RAD9A: variants seen among roughly 807,000 people sequenced by gnomAD.
The protein encoded by RAD9A is cell cycle checkpoint control protein RAD9A.
Under a neutral mutation model 41.2 loss-of-function variants are expected in RAD9A, and 25 were observed. That is an observed-to-expected ratio of 0.61 (90% CI 0.44 to 0.85). The LOEUF (loss-of-function observed/expected upper bound fraction) is 0.85. Among genes scored for constraint, RAD9A ranks in the 40% least tolerant of loss-of-function variants. The pLI, the probability that RAD9A is intolerant of heterozygous loss-of-function variation, is 0.00. For missense variants in RAD9A, 514 were observed against 518.3 expected (o/e 0.99, Z 0.08); for synonymous variants, 252 against 210.6 (o/e 1.20, Z -1.70).
intron 6 of RAD9A, 33 bp from the exon 7 acceptor site, chr11:67,395,879 G>T: frequency 6.2e-7 from 1 of 1,612,762 alleles, no homozygotes; most frequent in Non-Finnish European, 8.5e-7. Context: ...GGAGAGGGGC[G>T]GGGCCCAGGT....
Position 67,393,506 on chromosome 11 carries a change from C to A in RAD9A, c.245C>A (p.Ser82Tyr). The change falls in exon 4 of 11, where the codon TCT (serine) becomes TAT (tyrosine). Residue 82 changes from serine to tyrosine, a missense_variant. Coordinates refer to ENST00000307980, the MANE Select transcript of RAD9A (RefSeq NM_004584.3). ...RCKILMKSFL[S>Y]VFRSLAMLEK... ...TCTTATCCCATGCAGTCTTTCCTGT[C>A]TGTCTTCCGCTCACTGGCGATGCTG... The A allele has an allele frequency of 6.2e-7, 1 of 1,614,182 alleles. No individual in the cohort carries two copies. Among genetic ancestry groups the A allele is most frequent in the East Asian group, 2.2e-5 (1 of 44,876 alleles).
At position 67,397,751 on chromosome 11, in the gene RAD9A, T is replaced by C; in HGVS notation, c.*192T>C. On this transcript the variant is annotated 3_prime_UTR_variant, in exon 11 of 11. Coordinates refer to ENST00000307980, the MANE Select transcript of RAD9A (RefSeq NM_004584.3). The stretch of plus-strand genomic sequence containing the variant: ...CACAGCGGTCGGGCCTGGGCCGTTA[T>C]CTCCCCACAACCCCCAGCCAATCAG... 2 of 590,218 alleles carry C rather than the reference T, an allele frequency of 3.4e-6. No individual in the cohort carries two copies. The highest frequency in any genetic ancestry group is 2.1e-5 in the South Asian group (1 of 47,856). 36.6% of individuals were successfully genotyped at this position (590,218 alleles called of 1,614,324 possible). A position where few individuals can be genotyped will look rare whatever the true frequency, so the allele number is the denominator to read the frequency against.
At chr11:67,392,126 G>A in intron 1 of RAD9A, 35 bp from the exon 2 acceptor site, 2 of 1,609,104 alleles carry the variant, frequency 1.2e-6, no homozygotes, top group Non-Finnish European at 1.7e-6. Context: ...CCGCGGAGCC[G>A]CCAGCCTAAC....
Position 67,392,246 on chromosome 11 carries a change from T to TGGGGG in RAD9A, c.105+16_105+17insGGGGG. ...TGGAGGACGGGGTGAGGGGCTAGGG[T>TGGGGG]GTGGGGGGCGGGTGGGACTCCAGCC... On this transcript the variant is annotated intron_variant, in intron 2 of 10. Transcript: ENST00000307980. 3 of 558,062 alleles carry TGGGGG rather than the reference T, an allele frequency of 5.4e-6. No homozygotes were observed. Among genetic ancestry groups the TGGGGG allele is most frequent in the Non-Finnish European group, 9.6e-6 (3 of 312,330 alleles). 34.6% of individuals were successfully genotyped at this position (558,062 alleles called of 1,614,324 possible).
At chr11:67,392,343 G>A (rs1862551582) in intron 2 of RAD9A, 112 bp downstream of exon 2, 8 of 1,045,088 alleles carry the variant, frequency 7.7e-6, no homozygotes, top group South Asian at 1.6e-5. Flanking sequence ...TGTCGGCAAA[G>A]TTTCAGTTTC....
At position 67,397,337 on chromosome 11, in the gene RAD9A, A is replaced by C; in HGVS notation, c.1031A>C (p.Glu344Ala). 3 of 1,549,628 alleles carry C rather than the reference A, an allele frequency of 1.9e-6. No individual in the cohort carries two copies. The highest frequency in any genetic ancestry group is 2.6e-6 in the Non-Finnish European group (3 of 1,147,578). Reference protein sequence around the residue: ...PKSPGPHSEEEDEAEPSTVPG... With the variant: ...PKSPGPHSEEADEAEPSTVPG... ...AGCCCCGGTCCCCACTCCGAGGAGG[A>C]AGATGAGGCTGAGCCCAGTACAGTG... Residue 344 changes from glutamate to alanine, a missense_variant, in exon 10 of 11, where the codon GAA (glutamate) becomes GCA (alanine). Coordinates refer to ENST00000307980, the MANE Select transcript of RAD9A (RefSeq NM_004584.3).
Position 67,398,130 on chromosome 11 carries a change from CTG to C in RAD9A, c.*574_*575del, listed in dbSNP as rs1862774825. 1.3e-5 allele frequency: 3 copies of C among 225,932 alleles called. No individual in the cohort carries two copies. The highest frequency in any genetic ancestry group is 6.9e-5 in the South Asian group (1 of 14,432). The allele number at this position is 225,932 out of a possible 1,614,324, so 14.0% of individuals were successfully genotyped here. A position where few individuals can be genotyped will look rare whatever the true frequency, so the allele number is the denominator to read the frequency against. ...CCGGTGCCGAGACTCCCAAGCGGCT[CTG>C]TGCAGAAGAGCTGCCAGGCAGTGTC... On this transcript the variant is annotated 3_prime_UTR_variant, in exon 11 of 11. Coordinates refer to ENST00000307980, the MANE Select transcript of RAD9A (RefSeq NM_004584.3).
chr11:67,392,255 C>CTGGGGGGGGGGGGGG, intron 2 of RAD9A, 24 bp downstream of exon 2: 68 of 453,220 alleles, frequency 1.5e-4, no homozygotes, highest in East Asian at 4.6e-4. Flanking sequence ...GTGTGGGGGG[C>CTGGGGGGGGGGGGGG]GGGTGGGACT....
intron 9 of RAD9A, 90 bp from the exon 10 acceptor site, chr11:67,397,089 G>A: frequency 1.0e-6 from 1 of 975,014 alleles, no homozygotes; most frequent in Non-Finnish European, 1.6e-6. Flanking sequence ...CCAGTGGTCG[G>A]GGGCCCCAGA....
intron 2 of RAD9A, 28 bp downstream of exon 2, chr11:67,392,259 T>C: frequency 2.1e-6 from 1 of 484,300 alleles, no homozygotes. Context: ...GGGGGGCGGG[T>C]GGGACTCCAG....
rs868071002 is a variant in RAD9A, at chr11:67,398,374, G to C, written c.*815G>C. ...AGGAAGCAGCCCTGGGGGACTGGAC[G>C]CTGCTATTGATTCATTAAAAAAAGA... On this transcript the variant is annotated 3_prime_UTR_variant, in exon 11 of 11. Transcript: ENST00000307980. The C allele has an allele frequency of 1.4e-6, 1 of 713,886 alleles. No individual in the cohort carries two copies. The highest frequency in any genetic ancestry group is 2.3e-6 in the Non-Finnish European group (1 of 441,292). The allele number at this position is 713,886 out of a possible 1,614,324, so 44.2% of individuals were successfully genotyped here. A position where few individuals can be genotyped will look rare whatever the true frequency, so the allele number is the denominator to read the frequency against.
At chr11:67,393,849 C>T in intron 5 of RAD9A, 59 bp downstream of exon 5, 1 of 1,386,952 alleles carries the variant, frequency 7.2e-7, no homozygotes, top group African/African-American at 1.5e-5. Flanking sequence ...CTTTGGGGCC[C>T]CAAGGGGTTG....
chr11:67,396,388 T>C lies in RAD9A; in HGVS notation c.860T>C (p.Leu287Pro). ...SPERHQPVPQ[L>P]QAHSTPHPDD... is the part of the protein sequence containing the mutation. ...GAGCGTCACCAGCCAGTGCCTCAGC[T>C]CCAGGCTCACAGGTGAGGGCACCTC... is the stretch of plus-strand genomic sequence containing the variant. Residue 287 changes from leucine to proline, a missense_variant, in exon 9 of 11, where the codon CTC becomes CCC. By Grantham distance (98) the Leu-to-Pro change is moderately conservative (BLOSUM62 -3). Transcript: ENST00000307980. The C allele has an allele frequency of 6.2e-7, 1 of 1,613,714 alleles. No individual in the cohort carries two copies. The highest frequency in any genetic ancestry group is 1.1e-5 in the South Asian group (1 of 91,072).
At chr11:67,392,259 T>TGGGGGGGGGGGGGGGGGGG in intron 2 of RAD9A, 28 bp downstream of exon 2, 1 of 484,298 alleles carries the variant, frequency 2.1e-6, no homozygotes, top group Non-Finnish European at 4.1e-6. Flanking sequence ...GGGGGGCGGG[T>TGGGGGGGGGGGGGGGGGGG]GGGACTCCAG....
rs1243441285 is a variant in RAD9A, at chr11:67,393,756, G to A, written c.415G>A (p.Ala139Thr). The change falls in exon 5 of 11, where the codon GCC becomes ACC. Residue 139 changes from alanine to threonine, a missense_variant. Physicochemically the swap from Ala to Thr is moderately conservative, Grantham distance 58. Coordinates refer to ENST00000307980, the MANE Select transcript of RAD9A (RefSeq NM_004584.3). ...CESLQAVFDP[A>T]SCPHMLRAPA... ...GTCCCTGCAGGCCGTCTTCGACCCA[G>A]CCTCGTGCCCCCACATGCTCCGCGC... The A allele has an allele frequency of 2.5e-6, 4 of 1,612,060 alleles. No individual in the cohort carries two copies. The South Asian group carries it at 4.4e-5, about 18-fold the overall frequency.
In RAD9A at chr11:67,397,951, T is replaced by C; in HGVS notation, c.*392T>C. 4.3e-6 allele frequency: 1 copy of C among 230,782 alleles called. No individual in the cohort carries two copies. Among genetic ancestry groups the C allele is most frequent in the Non-Finnish European group, 8.5e-6 (1 of 117,274 alleles). The allele number at this position is 230,782 out of a possible 1,614,324, so 14.3% of individuals were successfully genotyped here. On this transcript the variant is annotated 3_prime_UTR_variant, in exon 11 of 11. Coordinates refer to ENST00000307980, the MANE Select transcript of RAD9A (RefSeq NM_004584.3). ...CCTGGTGATCCAGCTTCTCTGCCAA[T>C]CATGACCTGTTCCTTCCTGAAGTCC...
chr11:67,397,127 C>A, intron 9 of RAD9A, 52 bp from the exon 10 acceptor site: 1 of 1,424,334 alleles, frequency 7.0e-7, no homozygotes, highest in Non-Finnish European at 9.9e-7. Flanking sequence ...CAAGGTGGGG[C>A]CCTGCCTCTG....
chr11:67,396,371 C>T lies in RAD9A; in HGVS notation c.843C>T (p.His281=). ...HSQDLGSPER[H]QPVPQLQAHS... ...AGGACCTGGGCTCCCCAGAGCGTCA[C>T]CAGCCAGTGCCTCAGCTCCAGGCTC... The change falls in exon 9 of 11, where the codon CAC becomes CAT. Residue 281 remains histidine, a synonymous_variant. Coordinates refer to ENST00000307980, the MANE Select transcript of RAD9A (RefSeq NM_004584.3). 1 of 1,613,976 alleles carries T rather than the reference C, an allele frequency of 6.2e-7. No homozygotes were observed. The highest frequency in any genetic ancestry group is 8.5e-7 in the Non-Finnish European group (1 of 1,180,002).
At chr11:67,396,905 T>C (rs868841758) in intron 9 of RAD9A, among the ~76,000 whole-genome samples, 1 of 152,096 alleles carries the variant, frequency 6.6e-6, no homozygotes, top group Non-Finnish European at 1.5e-5. Flanking sequence ...TTCATAAGAC[T>C]TGCTGCTCCT....
Sources: gnomAD v4.1 joint callset for allele counts (sites outside exome capture counted in the v4.1 genomes callset) on GRCh38, gnomAD v4.1.1 for gene constraint, MANE v1.5 for transcripts, NCBI Gene and HGNC (gene_info 2026-07-23, HGNC 2026-07-21) for gene names.